ZBTB7C: variants seen among roughly 807,000 people sequenced by gnomAD.
ZBTB7C encodes the protein zinc finger and BTB domain-containing protein 7C.
ZBTB7C carries 8 observed loss-of-function variants against 25.7 expected under a neutral mutation model. The ratio of observed to expected loss-of-function variants is 0.31; its 90% CI spans 0.18 to 0.56. The LOEUF (loss-of-function observed/expected upper bound fraction) is 0.56. Ranked by LOEUF, ZBTB7C falls within the 20% of genes least tolerant of loss-of-function variation. The probability of loss-of-function intolerance (pLI) is 0.91; values close to 1 mark genes in which losing one functional copy is unlikely to be tolerated. For synonymous variants in ZBTB7C, 394 were observed against 369.0 expected (o/e 1.07, Z -0.78); for missense variants, 824 against 855.2 (o/e 0.96, Z 0.46).
intron 1 of ZBTB7C, among the ~76,000 whole-genome samples, chr18:48,345,291 A>C (rs1254809140): frequency 6.6e-6 from 1 of 152,180 alleles, no homozygotes. Flanking sequence ...AGGAAATAGA[A>C]AGCAAAAATC....
chr18:48,276,359 A>T (rs766009522), intron 2 of ZBTB7C, among the ~76,000 whole-genome samples: 4 of 150,250 alleles, frequency 2.7e-5, no homozygotes, highest in South Asian at 2.1e-4. Flanking sequence ...TGCAGGTTAG[A>T]TACATATGTA....
intron 2 of ZBTB7C, among the ~76,000 whole-genome samples, chr18:48,243,918 G>C (rs2043601790): frequency 6.6e-6 from 1 of 152,136 alleles, no homozygotes; most frequent in Non-Finnish European, 1.5e-5. Context: ...AAAACATAAA[G>C]TAGGAAAAGG....
At chr18:48,050,389 C>T (rs1242670039) in intron 3 of ZBTB7C, among the ~76,000 whole-genome samples, 1 of 152,184 alleles carries the variant, frequency 6.6e-6, no homozygotes, top group East Asian at 1.9e-4. Flanking sequence ...AGCCTGTGCC[C>T]TGCCCGCCAC....
chr18:48,137,999 G>C (rs1006292464), intron 3 of ZBTB7C, among the ~76,000 whole-genome samples: 2 of 152,266 alleles, frequency 1.3e-5, no homozygotes, highest in African/African-American at 4.8e-5. Context: ...TGGTCACCTG[G>C]AGGAAATAAC....
chr18:48,192,492 C>T (rs138159109), intron 2 of ZBTB7C, among the ~76,000 whole-genome samples: 327 of 152,348 alleles, frequency 2.1e-3, no homozygotes, highest in Non-Finnish European at 3.9e-3. Context: ...GAGATGGAGT[C>T]TTGCTTTGTC....
In ZBTB7C at chr18:48,395,593, T is replaced by C. The variant is rs574300352; in HGVS notation, c.-304+13633A>G. 3.2e-4 allele frequency among the ~76,000 whole-genome samples: 49 copies of C among 152,150 alleles called. 1 individual carries two copies. Among genetic ancestry groups the C allele is most frequent in the African/African-American group, 1.2e-3 (48 of 41,496 alleles). ...GACAAATGGCTACTTTCCCAGGGAA[T>C]GTAACCATTTACACTGGTAAAAATG... is the stretch of plus-strand genomic sequence containing the variant. On this transcript the variant is annotated intron_variant, in intron 1 of 4. Coordinates refer to ENST00000590800, the MANE Select transcript of ZBTB7C (RefSeq NM_001318841.2).
At chr18:48,180,112 T>TTCCTTCCTTCC (rs144550931) in intron 3 of ZBTB7C, among the ~76,000 whole-genome samples, 46 of 52,118 alleles carry the variant, frequency 8.8e-4, no homozygotes, top group African/African-American at 3.6e-3. Flanking sequence ...CCTTCCTTCC[T>TTCCTTCCTTCC]TTCCTTCCTT....
intron 1 of ZBTB7C, among the ~76,000 whole-genome samples, chr18:48,376,650 C>G (rs1013958317): frequency 6.6e-6 from 1 of 152,260 alleles, no homozygotes; most frequent in Admixed American, 6.5e-5. Flanking sequence ...GAGGCTGTCA[C>G]TCTGCAGTGG....
intron 2 of ZBTB7C, among the ~76,000 whole-genome samples, chr18:48,191,193 G>A (rs576580644): frequency 6.6e-6 from 1 of 152,296 alleles, no homozygotes; most frequent in African/African-American, 2.4e-5. Context: ...TCCAGCAGGT[G>A]GAAGATGAGC....
intron 2 of ZBTB7C, among the ~76,000 whole-genome samples, chr18:48,279,700 G>C (rs2044774965): frequency 6.6e-6 from 1 of 152,202 alleles, no homozygotes; most frequent in African/African-American, 2.4e-5. Flanking sequence ...CCCCACTGAA[G>C]CCTCACTGGT....
chr18:48,324,134 A>G (rs2046161463), intron 2 of ZBTB7C, among the ~76,000 whole-genome samples: 1 of 152,136 alleles, frequency 6.6e-6, no homozygotes, highest in Non-Finnish European at 1.5e-5. Flanking sequence ...AATCGTGAGT[A>G]GCAAATTTGT....
intron 2 of ZBTB7C, among the ~76,000 whole-genome samples, chr18:48,186,522 G>A (rs2145134107): frequency 6.6e-6 from 1 of 152,322 alleles, no homozygotes; most frequent in East Asian, 1.9e-4. Context: ...ACAAAGGCCA[G>A]AAAATGCATC....
chr18:48,332,447 T>C (rs1333680866), intron 2 of ZBTB7C, among the ~76,000 whole-genome samples: 1 of 152,140 alleles, frequency 6.6e-6, no homozygotes, highest in Non-Finnish European at 1.5e-5. Flanking sequence ...ATAAATTGAT[T>C]TGGGGGTTTG....
intron 2 of ZBTB7C, among the ~76,000 whole-genome samples, chr18:48,298,373 C>T (rs1335913059): frequency 1.3e-5 from 2 of 152,110 alleles, no homozygotes; most frequent in South Asian, 2.1e-4. Context: ...AGGGCACAGG[C>T]CTTTTCTGAT....
chr18:48,343,543 CTGGT>C (rs2046653943), intron 1 of ZBTB7C, among the ~76,000 whole-genome samples: 1 of 152,204 alleles, frequency 6.6e-6, no homozygotes, highest in South Asian at 2.1e-4. Flanking sequence ...GCATTGCTGG[CTGGT>C]TAAGAAATGT....
At chr18:48,292,772 G>T (rs928237066) in intron 2 of ZBTB7C, among the ~76,000 whole-genome samples, 1 of 152,210 alleles carries the variant, frequency 6.6e-6, no homozygotes, top group Non-Finnish European at 1.5e-5. Context: ...TTCAGGAGCT[G>T]GAAAGGAGTC....
intron 3 of ZBTB7C, among the ~76,000 whole-genome samples, chr18:48,120,006 C>G (rs1465957977): frequency 2.0e-5 from 3 of 152,142 alleles, no homozygotes; most frequent in Non-Finnish European, 2.9e-5. Context: ...CATGTGCACA[C>G]AACCCCAGGG....
chr18:48,081,181 G>A (rs2037966968), intron 3 of ZBTB7C, among the ~76,000 whole-genome samples: 1 of 152,202 alleles, frequency 6.6e-6, no homozygotes, highest in Non-Finnish European at 1.5e-5. Context: ...GAGACATCAG[G>A]AGGCCATCTC....
intron 3 of ZBTB7C, among the ~76,000 whole-genome samples, chr18:48,151,083 G>A (rs996143683): frequency 6.6e-6 from 1 of 152,288 alleles, no homozygotes; most frequent in Middle Eastern, 3.4e-3. Context: ...GTAACTGATC[G>A]GTGTGGCCTT....
Sources: gnomAD v4.1 joint callset for allele counts (sites outside exome capture counted in the v4.1 genomes callset) on GRCh38, gnomAD v4.1.1 for gene constraint, MANE v1.5 for transcripts, NCBI Gene and HGNC (gene_info 2026-07-23, HGNC 2026-07-21) for gene names.